The following RGS6 variants were observed in gnomAD, a reference collection of about 807,000 sequenced individuals.
RGS6 encodes the protein regulator of G-protein signaling 6.
In RGS6, 30 loss-of-function variants were observed where a neutral mutation model predicts 78.5. The ratio of observed to expected loss-of-function variants is 0.38; its 90% CI spans 0.29 to 0.52. The LOEUF (loss-of-function observed/expected upper bound fraction) is 0.52. Ranked by LOEUF, RGS6 falls within the 20% of genes least tolerant of loss-of-function variation. The pLI, the probability that RGS6 is intolerant of heterozygous loss-of-function variation, is 0.85. For missense variants in RGS6, 495 were observed against 609.7 expected (o/e 0.81, Z 1.98); for synonymous variants, 206 against 206.0 (o/e 1.00, Z 0.00).
At chr14:72,361,510 T>A (rs2081452468) in intron 3 of RGS6, among the ~76,000 whole-genome samples, 1 of 152,178 alleles carries the variant, frequency 6.6e-6, no homozygotes, top group Non-Finnish European at 1.5e-5. Flanking sequence ...TGGTGGCATG[T>A]TTGAAATTGA....
chr14:72,122,785 T>C (rs1004672478), intron 2 of RGS6, among the ~76,000 whole-genome samples: 17 of 151,994 alleles, frequency 1.1e-4, no homozygotes, highest in Non-Finnish European at 2.1e-4. Context: ...AAGAATCTTT[T>C]TTATGCTTAA....
intron 2 of RGS6, among the ~76,000 whole-genome samples, chr14:72,314,194 G>A (rs765712487): frequency 6.6e-6 from 1 of 152,200 alleles, no homozygotes; most frequent in Non-Finnish European, 1.5e-5. Flanking sequence ...GGGGTTGGAA[G>A]TTGGGGAGAG....
intron 2 of RGS6, among the ~76,000 whole-genome samples, chr14:72,296,547 G>A (rs888200634): frequency 6.6e-6 from 1 of 152,126 alleles, no homozygotes. Context: ...TTCTCATGTA[G>A]TTTTAATTTG....
At chr14:72,042,815 A>G (rs966811062) in intron 2 of RGS6, among the ~76,000 whole-genome samples, 2 of 152,176 alleles carry the variant, frequency 1.3e-5, no homozygotes, top group African/African-American at 4.8e-5. Context: ...AATATTCTAT[A>G]TGCTTTTAAA....
chr14:72,194,633 A>G (rs1163798345), intron 2 of RGS6, among the ~76,000 whole-genome samples: 1 of 152,218 alleles, frequency 6.6e-6, no homozygotes, highest in East Asian at 1.9e-4. Context: ...AAGTGCTGGG[A>G]TTACAGGCGT....
intron 2 of RGS6, among the ~76,000 whole-genome samples, chr14:71,968,831 A>AT (rs1384857406): frequency 6.6e-6 from 1 of 152,116 alleles, no homozygotes; most frequent in African/African-American, 2.4e-5. Context: ...TTTTTTATTG[A>AT]TTTTTAAAAA....
intron 3 of RGS6, among the ~76,000 whole-genome samples, chr14:72,413,150 C>G (rs2093555037): frequency 6.6e-6 from 1 of 152,076 alleles, no homozygotes; most frequent in African/African-American, 2.4e-5. Context: ...GTTGATCTGT[C>G]TAATGTTGAC....
At chr14:72,186,322 C>T (rs1383663180) in intron 2 of RGS6, among the ~76,000 whole-genome samples, 3 of 152,184 alleles carry the variant, frequency 2.0e-5, no homozygotes, top group South Asian at 4.1e-4. Context: ...GGAATACAGC[C>T]GAGTTTGCGT....
intron 7 of RGS6, 28 bp downstream of exon 7, chr14:72,465,850 TATAAG>T (rs772659983): frequency 4.1e-5 from 65 of 1,575,634 alleles, no homozygotes; most frequent in Non-Finnish European, 5.1e-5. Context: ...CCAGGATACA[TATAAG>T]AAGAGAGTAA....
the RGS6 span, among the ~76,000 whole-genome samples, chr14:72,585,820 T>G: frequency 6.6e-6 from 1 of 152,236 alleles, no homozygotes; most frequent in African/African-American, 2.4e-5. Flanking sequence ...CTACCTTCTA[T>G]ACACTTCTCC....
intron 2 of RGS6, among the ~76,000 whole-genome samples, chr14:72,293,704 G>A (rs946757966): frequency 6.6e-6 from 1 of 152,182 alleles, no homozygotes; most frequent in Non-Finnish European, 1.5e-5. Context: ...GTACTCAGCA[G>A]TAGACTCATT....
At chr14:71,877,940 G>A in the RGS6 span, among the ~76,000 whole-genome samples, 12 of 152,202 alleles carry the variant, frequency 7.9e-5, no homozygotes, top group Admixed American at 6.5e-4. Flanking sequence ...GGAGTTTGCT[G>A]GAGGTCCACT....
chr14:72,281,916 G>A (rs552749783), intron 2 of RGS6, among the ~76,000 whole-genome samples: 9 of 152,292 alleles, frequency 5.9e-5, no homozygotes, highest in East Asian at 1.9e-4. Flanking sequence ...AAGACACAAG[G>A]TATTGGAAGA....
At chr14:72,215,263 C>A (rs1363362404) in intron 2 of RGS6, among the ~76,000 whole-genome samples, 1 of 152,160 alleles carries the variant, frequency 6.6e-6, no homozygotes, top group Non-Finnish European at 1.5e-5. Flanking sequence ...GAGACATGAC[C>A]TTCATGCAGA....
chr14:72,537,590 G>A, intron 16 of RGS6: 1 of 702,258 alleles, frequency 1.4e-6, no homozygotes, highest in East Asian at 2.7e-5. Context: ...GCCAATGGAG[G>A]GGCTCCTTTG....
At chr14:71,925,520 G>A in the RGS6 span, among the ~76,000 whole-genome samples, 1 of 152,146 alleles carries the variant, frequency 6.6e-6, no homozygotes, top group South Asian at 2.1e-4. Flanking sequence ...TTTCTTCTAT[G>A]AGTTTTACAG....
chr14:72,396,398 C>T (rs55715621), intron 3 of RGS6, among the ~76,000 whole-genome samples: 2,883 of 151,988 alleles, frequency 0.019, 107 homozygotes, highest in African/African-American at 0.064. Flanking sequence ...TGTTTTTTTC[C>T]TGTAAATTTG....
At chr14:72,540,747 G>A in intron 17 of RGS6, 1 of 1,271,612 alleles carries the variant, frequency 7.9e-7, no homozygotes, top group Non-Finnish European at 1.0e-6. Flanking sequence ...GGTGTCCTGG[G>A]TACTCCCCGG....
At chr14:71,950,852 C>T (rs1055612936) in intron 1 of RGS6, among the ~76,000 whole-genome samples, 1 of 152,150 alleles carries the variant, frequency 6.6e-6, no homozygotes, top group African/African-American at 2.4e-5. Flanking sequence ...ATCAAAACCA[C>T]AGTGAGATAC....
Sources: gnomAD v4.1 joint callset for allele counts (sites outside exome capture counted in the v4.1 genomes callset) on GRCh38, gnomAD v4.1.1 for gene constraint, MANE v1.5 for transcripts, NCBI Gene and HGNC (gene_info 2026-07-23, HGNC 2026-07-21) for gene names.